The following MED31 variants were observed in gnomAD, a reference collection of about 807,000 sequenced individuals.
MED31 encodes the protein mediator complex subunit 31.
Under a neutral mutation model 22.0 loss-of-function variants are expected in MED31, and 11 were observed. That is an observed-to-expected ratio of 0.50 (90% confidence interval 0.31 to 0.83). MED31 has a LOEUF of 0.83. MED31 is among the 40% of genes least tolerant of loss of function. The pLI is 0.04. For missense variants in MED31, 122 were observed against 155.3 expected, an observed-to-expected ratio of 0.79 and a Z score of 1.14; for synonymous variants, 60 against 55.1, an observed-to-expected ratio of 1.09 and a Z score of -0.40.
At chr17:6,648,127 C>T (rs1972786943) in intron 3 of MED31, among the ~76,000 whole-genome samples, 1 of 152,198 alleles carries the variant, frequency 6.6e-6, no homozygotes. Flanking sequence ...CACTCCCACC[C>T]CCAAAAGTAA....
intron 1 of MED31, among the ~76,000 whole-genome samples, chr17:6,651,117 T>G (rs1972829031): frequency 6.4e-5 from 1 of 15,604 alleles, no homozygotes; most frequent in Non-Finnish European, 1.0e-4. Flanking sequence ...CCAGACGCTG[T>G]CTCAAAAAAA....
At chr17:6,645,287 T>TA (rs1567602049) in intron 3 of MED31, among the ~76,000 whole-genome samples, 2 of 152,378 alleles carry the variant, frequency 1.3e-5, no homozygotes, top group African/African-American at 2.4e-5. Flanking sequence ...AGTATGTACT[T>TA]ACGGCTTTTA....
Position 6,644,145 on chromosome 17 carries a change from A to G in MED31, c.*322T>C, listed in dbSNP as rs925148379. 3 of 426,236 alleles carry G rather than the reference A, an allele frequency of 7.0e-6. No homozygotes were observed. Among genetic ancestry groups the G allele is most frequent in the Non-Finnish European group, 1.2e-5 (3 of 241,898 alleles). 26.4% of individuals were successfully genotyped at this position (426,236 alleles called of 1,614,324 possible). On this transcript the variant is annotated 3_prime_UTR_variant, in exon 4 of 4. Coordinates refer to ENST00000225728, the MANE Select transcript of MED31 (RefSeq NM_016060.3). Reference sequence around the variant, plus strand: ...GGAACAGCTAGCCTTAGAATTCAGTATACTTGGTGGCCCACCCCTACCCCA... The same window carrying G: ...GGAACAGCTAGCCTTAGAATTCAGTGTACTTGGTGGCCCACCCCTACCCCA...
chr17:6,647,461 A>G (rs1295964270), intron 3 of MED31, among the ~76,000 whole-genome samples: 1 of 152,250 alleles, frequency 6.6e-6, no homozygotes, highest in Non-Finnish European at 1.5e-5. Context: ...TTTAATGTGT[A>G]TATGGGTCAC....
At chr17:6,649,866 C>G (rs1972810326) in intron 3 of MED31, 116 bp downstream of exon 3, 1 of 1,030,368 alleles carries the variant, frequency 9.7e-7, no homozygotes, top group South Asian at 2.2e-5. Context: ...TGTATTAAGA[C>G]GGTGATAACA....
intron 1 of MED31, among the ~76,000 whole-genome samples, chr17:6,650,953 A>C (rs1972825869): frequency 6.6e-6 from 1 of 151,566 alleles, no homozygotes; most frequent in African/African-American, 2.4e-5. Context: ...CCCCGTCTCT[A>C]CTAAAAATAC....
At chr17:6,648,601 T>A (rs549789323) in intron 3 of MED31, among the ~76,000 whole-genome samples, 3 of 152,340 alleles carry the variant, frequency 2.0e-5, no homozygotes, top group Non-Finnish European at 4.4e-5. Flanking sequence ...TTAAAAAAAC[T>A]AAAATCTTCT....
chr17:6,644,599 C>T lies in MED31; in HGVS notation c.264G>A (p.Leu88=), dbSNP rs2150947510. 2 of 1,613,172 alleles carry T rather than the reference C, an allele frequency of 1.2e-6. No individual in the cohort carries two copies. The highest frequency in any genetic ancestry group is 1.7e-6 in the Non-Finnish European group (2 of 1,179,906). The stretch of plus-strand genomic sequence containing the variant: ...TAAATTTCGCACACTGAGCATTCAC[C>T]AGCTCCTTTCGGAAGTGTTCATATT... ...LLQYEHFRKE[L]VNAQCAKFID... The change falls in exon 4 of 4, where the codon CTG becomes CTA. Residue 88 remains leucine, a synonymous_variant. Transcript: ENST00000225728.
chr17:6,645,875 T>C (rs1335978254), intron 3 of MED31, among the ~76,000 whole-genome samples: 1 of 152,282 alleles, frequency 6.6e-6, no homozygotes, highest in East Asian at 1.9e-4. Flanking sequence ...ATTTACATAG[T>C]CTCAAAGGAT....
At chr17:6,644,726 T>C (rs1331333523) in intron 3 of MED31, 67 bp from the exon 4 acceptor site, 1 of 1,453,410 alleles carries the variant, frequency 6.9e-7, no homozygotes, top group Non-Finnish European at 9.1e-7. Flanking sequence ...TATAATTCAG[T>C]TATTCTCTTA....
intron 1 of MED31, 33 bp downstream of exon 1, chr17:6,651,468 C>T: frequency 6.2e-7 from 1 of 1,614,004 alleles, no homozygotes; most frequent in Non-Finnish European, 8.5e-7. Flanking sequence ...AGAGTTCCAT[C>T]TGCGAAGACT....
intron 3 of MED31, among the ~76,000 whole-genome samples, chr17:6,646,792 C>A (rs56378125): frequency 0.098 from 14,889 of 152,258 alleles, 768 homozygotes; most frequent in African/African-American, 0.12. Flanking sequence ...AGCCCGACAC[C>A]TGTAAAGGGT....
At position 6,651,512 on chromosome 17, in the gene MED31, G is replaced by C; in HGVS notation, c.17C>G (p.Ala6Gly). The change falls in exon 1 of 4, where the codon GCT (alanine) becomes GGT (glycine). Residue 6 changes from alanine (A) to glycine (G), a missense_variant. Ala to Gly is a moderately conservative substitution (Grantham distance 60). Transcript: ENST00000225728. ...AGAGAGCTACTCACCTGTCTCCATA[G>C]CGACAGCAGCGGCCATAACAAACGA... MAAAVAMETDDAGNRL... is the reference protein window; with the variant it reads MAAAVGMETDDAGNRL... 1 of 1,614,128 alleles carries C rather than the reference G, an allele frequency of 6.2e-7. No homozygotes were observed. The highest frequency in any genetic ancestry group is 8.5e-7 in the Non-Finnish European group (1 of 1,180,028).
intron 3 of MED31, among the ~76,000 whole-genome samples, chr17:6,644,970 T>C (rs77163182): frequency 0.013 from 1,998 of 152,322 alleles, 54 homozygotes; most frequent in African/African-American, 0.045. Flanking sequence ...GTTTCCAACG[T>C]GAAGAACATG....
chr17:6,646,879 G>A (rs574472537), intron 3 of MED31, among the ~76,000 whole-genome samples: 6 of 152,330 alleles, frequency 3.9e-5, no homozygotes, highest in African/African-American at 1.4e-4. Context: ...TCTCCTGCTC[G>A]TCCCTGGGAA....
At chr17:6,649,779 C>A in intron 3 of MED31, 1 of 440,062 alleles carries the variant, frequency 2.3e-6, no homozygotes, top group Non-Finnish European at 3.8e-6. Flanking sequence ...GAGATGGGGG[C>A]AGGAAGGTAA....
intron 3 of MED31, among the ~76,000 whole-genome samples, chr17:6,649,429 G>A (rs1043525710): frequency 6.6e-6 from 1 of 152,112 alleles, no homozygotes; most frequent in Admixed American, 6.6e-5. Context: ...CTAAGACTCA[G>A]GTAAGATCAC....
intron 3 of MED31, among the ~76,000 whole-genome samples, chr17:6,649,215 GTTTTTTTTGTT>G (rs1319576157): frequency 1.3e-3 from 25 of 19,440 alleles, no homozygotes; most frequent in African/African-American, 0.012. Flanking sequence ...GGTTTTTTTT[GTTTTTTTTGTT>G]TTTTTTTTTT....
chr17:6,646,613 C>T (rs1972770294), intron 3 of MED31, among the ~76,000 whole-genome samples: 1 of 152,212 alleles, frequency 6.6e-6, no homozygotes, highest in Non-Finnish European at 1.5e-5. Flanking sequence ...AGGCAGTATG[C>T]TTGGTAAAAG....
Sources: allele counts gnomAD v4.1 joint callset (sites outside exome capture counted in the v4.1 genomes callset), GRCh38; gene constraint gnomAD v4.1.1; transcripts MANE v1.5; gene names NCBI Gene and HGNC (gene_info 2026-07-23, HGNC 2026-07-21).